The following NBDY variants were observed in gnomAD, a reference collection of about 807,000 sequenced individuals.
NBDY encodes the protein P-body dissociating protein.
intron 1 of NBDY, among the ~76,000 whole-genome samples, chrX:56,730,623 C>G (rs1238630116): frequency 9.8e-6 from 1 of 101,988 alleles, no homozygotes; most frequent in African/African-American, 3.6e-5. Flanking sequence ...GCTTTTCAGG[C>G]CGAGGGTTTC....
chrX:56,807,401 T>C (rs2069857782), intron 2 of NBDY, among the ~76,000 whole-genome samples: 1 of 111,728 alleles, frequency 9.0e-6, no homozygotes, highest in Non-Finnish European at 1.9e-5. Flanking sequence ...TAAATTACCC[T>C]GGGCAGTATG....
chrX:56,797,929 G>A (rs780519694), intron 2 of NBDY, among the ~76,000 whole-genome samples: 3 of 111,753 alleles, frequency 2.7e-5, no homozygotes, highest in East Asian at 5.6e-4. Flanking sequence ...ACACACACAC[G>A]CAGGCACACT....
chrX:56,801,577 G>T (rs1321823112), intron 2 of NBDY, among the ~76,000 whole-genome samples: 1 of 111,207 alleles, frequency 9.0e-6, no homozygotes, highest in African/African-American at 3.3e-5. Context: ...AGGCGCCAAT[G>T]TGTTACTTTT....
chrX:56,781,188 C>T (rs1426704806), intron 2 of NBDY, among the ~76,000 whole-genome samples: 1 of 111,766 alleles, frequency 8.9e-6, no homozygotes, highest in Non-Finnish European at 1.9e-5. Flanking sequence ...CATAGGTCCT[C>T]AGGCACATAC....
At chrX:56,787,991 A>G (rs936990222) in intron 2 of NBDY, among the ~76,000 whole-genome samples, 5 of 112,507 alleles carry the variant, frequency 4.4e-5, no homozygotes, top group African/African-American at 6.5e-5. Flanking sequence ...CTGCAGCCCT[A>G]TGATCCCAGT....
chrX:56,784,199 C>T (rs149258149), intron 2 of NBDY, among the ~76,000 whole-genome samples: 1,433 of 112,253 alleles, frequency 0.013, 24 homozygotes, highest in African/African-American at 0.044. Flanking sequence ...CTGAGGTGCA[C>T]GACACTTGTC....
At chrX:56,751,459 T>A (rs73214048) in intron 2 of NBDY, among the ~76,000 whole-genome samples, 3 of 112,405 alleles carry the variant, frequency 2.7e-5, no homozygotes, top group Non-Finnish European at 5.6e-5. Flanking sequence ...ATTAGGAATT[T>A]TAAAAAGAAT....
intron 2 of NBDY, among the ~76,000 whole-genome samples, chrX:56,745,540 C>T (rs1423650299): frequency 9.0e-6 from 1 of 110,962 alleles, no homozygotes; most frequent in East Asian, 2.8e-4. Context: ...ATTACTATTA[C>T]ACCCAGAGAA....
At chrX:56,798,344 G>C (rs932890739) in intron 2 of NBDY, among the ~76,000 whole-genome samples, 1 of 111,981 alleles carries the variant, frequency 8.9e-6, no homozygotes, top group East Asian at 2.8e-4. Context: ...GGGAATCTGT[G>C]GCAACGTGGT....
intron 2 of NBDY, among the ~76,000 whole-genome samples, chrX:56,789,382 G>A (rs1189870640): frequency 8.9e-6 from 1 of 112,028 alleles, no homozygotes; most frequent in Non-Finnish European, 1.9e-5. Flanking sequence ...AGTATGATGG[G>A]GTACAGGAGA....
chrX:56,755,458 A>G (rs2069605607), intron 2 of NBDY, among the ~76,000 whole-genome samples: 1 of 111,911 alleles, frequency 8.9e-6, no homozygotes, highest in Admixed American at 9.4e-5. Context: ...AAAACAAACA[A>G]CCCCATCAAA....
At chrX:56,810,961 G>C (rs1198552973) in intron 2 of NBDY, 2 of 111,863 alleles carry the variant, frequency 1.8e-5, no homozygotes, top group African/African-American at 6.5e-5. Flanking sequence ...TGTTGATGTT[G>C]ATACTATTCC....
intron 2 of NBDY, among the ~76,000 whole-genome samples, chrX:56,753,433 T>C (rs1328059324): frequency 8.9e-6 from 1 of 112,178 alleles, no homozygotes; most frequent in Non-Finnish European, 1.9e-5. Context: ...AGTGAAGATG[T>C]CCACTAGAAT....
chrX:56,761,988 G>A (rs1011353640), intron 2 of NBDY, among the ~76,000 whole-genome samples: 9 of 111,772 alleles, frequency 8.1e-5, no homozygotes, highest in African/African-American at 2.6e-4. Flanking sequence ...AGAGGGTATG[G>A]TTTAGCCTGC....
intron 1 of NBDY, 67 bp downstream of exon 1, chrX:56,729,656 C>T (rs2069447614): frequency 3.4e-6 from 1 of 293,192 alleles, no homozygotes; most frequent in African/African-American, 2.7e-5. Flanking sequence ...TCACAAATTT[C>T]CTTCCCCTTT....
At chrX:56,757,135 T>G (rs1172365543) in intron 2 of NBDY, among the ~76,000 whole-genome samples, 1 of 111,919 alleles carries the variant, frequency 8.9e-6, no homozygotes, top group Non-Finnish European at 1.9e-5. Flanking sequence ...GCTAAAGAAC[T>G]TTAGGAAGGT....
chrX:56,767,492 G>T (rs890006514), intron 2 of NBDY, among the ~76,000 whole-genome samples: 1 of 112,955 alleles, frequency 8.9e-6, no homozygotes. Flanking sequence ...AGGTGTGGAG[G>T]GAGAGCCGCG....
chrX:56,798,259 G>C (rs1364976140), intron 2 of NBDY, among the ~76,000 whole-genome samples: 2 of 112,084 alleles, frequency 1.8e-5, no homozygotes, highest in Non-Finnish European at 3.8e-5. Context: ...GGGTCAACCC[G>C]CTTAAAAACA....
chrX:56,814,309 A>C (rs767614697), intron 2 of NBDY, among the ~76,000 whole-genome samples: 1 of 107,683 alleles, frequency 9.3e-6, no homozygotes, highest in African/African-American at 3.4e-5. Flanking sequence ...TTCTCCATTT[A>C]TTTTACTCTG....
Sources: gnomAD v4.1 joint callset for allele counts (sites outside exome capture counted in the v4.1 genomes callset) on GRCh38, gnomAD v4.1.1 for gene constraint, MANE v1.5 for transcripts, NCBI Gene and HGNC (gene_info 2026-07-23, HGNC 2026-07-21) for gene names.